The following ZFAND3 variants were observed in gnomAD, a reference collection of about 807,000 sequenced individuals.
ZFAND3 encodes the protein zinc finger AN1-type containing 3, also known as AN1-type zinc finger protein 3.
A neutral mutation model predicts 29.6 loss-of-function variants in ZFAND3; 10 were observed. That is an observed-to-expected ratio of 0.34 (90% CI 0.21 to 0.57). The LOEUF is 0.57. Ranked by LOEUF, ZFAND3 falls within the 20% of genes least tolerant of loss-of-function variation. The probability of loss-of-function intolerance (pLI) is 0.86; values close to 1 mark genes in which losing one functional copy is unlikely to be tolerated. For missense variants in ZFAND3, 230 were observed against 304.5 expected (o/e 0.76, Z 1.82); for synonymous variants, 128 against 112.6 (o/e 1.14, Z -0.87).
chr6:37,983,952 T>A (rs1336220680), intron 2 of ZFAND3, among the ~76,000 whole-genome samples: 1 of 152,188 alleles, frequency 6.6e-6, no homozygotes, highest in Middle Eastern at 3.2e-3. Flanking sequence ...CTTTGGGCAG[T>A]GCAATGAAAA....
At chr6:37,835,483 T>A (rs1288440041) in intron 1 of ZFAND3, among the ~76,000 whole-genome samples, 30 of 141,472 alleles carry the variant, frequency 2.1e-4, no homozygotes, top group South Asian at 1.6e-3. Context: ...TTTTTTTTTT[T>A]AAATGTATTC....
chr6:38,067,649 G>A (rs1239296192), intron 3 of ZFAND3, among the ~76,000 whole-genome samples: 2 of 152,190 alleles, frequency 1.3e-5, no homozygotes, highest in African/African-American at 2.4e-5. Context: ...AGTGTGATTT[G>A]TAGTTAAGTT....
chr6:37,920,282 A>C (rs1392925450), intron 1 of ZFAND3, among the ~76,000 whole-genome samples: 1 of 151,718 alleles, frequency 6.6e-6, no homozygotes, highest in African/African-American at 2.4e-5. Flanking sequence ...TATGTGGAAA[A>C]ATTATTTGGC....
intron 1 of ZFAND3, among the ~76,000 whole-genome samples, chr6:37,909,744 A>G (rs1765487502): frequency 6.6e-6 from 1 of 151,636 alleles, no homozygotes; most frequent in African/African-American, 2.4e-5. Context: ...GAATCTCAAA[A>G]TGTTACATTC....
chr6:38,138,549 C>T (rs1287038888), intron 5 of ZFAND3, among the ~76,000 whole-genome samples: 1 of 152,194 alleles, frequency 6.6e-6, no homozygotes, highest in Non-Finnish European at 1.5e-5. Flanking sequence ...CACCGCATTC[C>T]AGCCCTGCTG....
intron 5 of ZFAND3, chr6:38,142,857 A>G (rs897718592): frequency 3.2e-5 from 5 of 154,374 alleles, no homozygotes; most frequent in African/African-American, 1.2e-4. Flanking sequence ...TGTGGCAAAA[A>G]CTGCCTTGAG....
intron 3 of ZFAND3, among the ~76,000 whole-genome samples, chr6:38,074,423 C>A (rs1764514286): frequency 1.3e-5 from 2 of 151,998 alleles, no homozygotes; most frequent in African/African-American, 4.8e-5. Context: ...ATGTAAGATA[C>A]ATAAAAAAAG....
chr6:38,009,968 G>C (rs974501696), intron 2 of ZFAND3, among the ~76,000 whole-genome samples: 10 of 152,152 alleles, frequency 6.6e-5, no homozygotes, highest in African/African-American at 9.7e-5. Flanking sequence ...TGTCTGTCAG[G>C]TAACTGGCAG....
intron 2 of ZFAND3, among the ~76,000 whole-genome samples, chr6:38,054,252 G>T (rs1040055505): frequency 6.6e-6 from 1 of 150,550 alleles, no homozygotes; most frequent in Non-Finnish European, 1.5e-5. Flanking sequence ...AAGGTAGCTC[G>T]GTGTGGTGGT....
At chr6:38,133,837 G>A (rs1439023555) in intron 5 of ZFAND3, among the ~76,000 whole-genome samples, 1 of 149,340 alleles carries the variant, frequency 6.7e-6, no homozygotes, top group East Asian at 2.0e-4. Flanking sequence ...AAATATGAAG[G>A]TAGCACCTGG....
At chr6:37,827,482 T>C (rs954537366) in intron 1 of ZFAND3, among the ~76,000 whole-genome samples, 1 of 152,208 alleles carries the variant, frequency 6.6e-6, no homozygotes, top group African/African-American at 2.4e-5. Context: ...TTTTCACAAA[T>C]GTAAATCTCA....
chr6:37,862,705 A>C (rs956049384), intron 1 of ZFAND3, among the ~76,000 whole-genome samples: 5 of 151,146 alleles, frequency 3.3e-5, no homozygotes, highest in African/African-American at 1.2e-4. Context: ...TCCTGTCTCT[A>C]AAAAAAACAA....
At chr6:37,991,207 C>T (rs12191440) in intron 2 of ZFAND3, among the ~76,000 whole-genome samples, 30,456 of 151,936 alleles carry the variant, frequency 0.2, 3,708 homozygotes, top group Admixed American at 0.33. Flanking sequence ...CAGAACTCAG[C>T]GTCTTGACTC....
At chr6:37,820,382 C>T (rs555710969) in intron 1 of ZFAND3, among the ~76,000 whole-genome samples, 14 of 152,190 alleles carry the variant, frequency 9.2e-5, no homozygotes, top group African/African-American at 2.2e-4. Context: ...GGAAGCCAGC[C>T]CTTCCTCCCT....
chr6:38,105,757 GGGAA>G (rs1438005151), intron 4 of ZFAND3, among the ~76,000 whole-genome samples: 1 of 152,078 alleles, frequency 6.6e-6, no homozygotes, highest in Non-Finnish European at 1.5e-5. Flanking sequence ...GTAACTACAT[GGGAA>G]CCTACAGTTA....
intron 2 of ZFAND3, among the ~76,000 whole-genome samples, chr6:38,043,726 C>T (rs1763842386): frequency 6.6e-6 from 1 of 152,136 alleles, no homozygotes; most frequent in Non-Finnish European, 1.5e-5. Flanking sequence ...CTCCTCCTGC[C>T]TCAGTCTCCT....
At chr6:37,939,442 T>A (rs1204959471) in intron 2 of ZFAND3, among the ~76,000 whole-genome samples, 1 of 152,220 alleles carries the variant, frequency 6.6e-6, no homozygotes, top group Admixed American at 6.5e-5. Context: ...TCCCGGATTA[T>A]CTCATCTGGA....
chr6:37,964,518 C>T (rs991484850), intron 2 of ZFAND3, among the ~76,000 whole-genome samples: 1 of 152,134 alleles, frequency 6.6e-6, no homozygotes, highest in Non-Finnish European at 1.5e-5. Flanking sequence ...CTGCACAGCC[C>T]CTTAGAGACA....
At chr6:38,052,356 A>C (rs1170087256) in intron 2 of ZFAND3, among the ~76,000 whole-genome samples, 1 of 152,178 alleles carries the variant, frequency 6.6e-6, no homozygotes, top group East Asian at 1.9e-4. Flanking sequence ...CCAAACATCT[A>C]CTTATTGACA....
Sources: allele counts gnomAD v4.1 joint callset (sites outside exome capture counted in the v4.1 genomes callset), GRCh38; gene constraint gnomAD v4.1.1; transcripts MANE v1.5; gene names NCBI Gene and HGNC (gene_info 2026-07-23, HGNC 2026-07-21).